ZFP14: variants seen among roughly 807,000 people sequenced by gnomAD.
ZFP14 encodes the protein ZFP14 zinc finger protein.
ZFP14 carries 22 observed loss-of-function variants against 54.5 expected under a neutral mutation model. The ratio of observed to expected loss-of-function variants is 0.40; its 90% CI spans 0.29 to 0.58. The LOEUF is 0.58. Among genes scored for constraint, ZFP14 ranks in the 20% least tolerant of loss-of-function variants. The pLI is 0.39. For synonymous variants in ZFP14, 159 were observed against 204.0 expected (o/e 0.78, Z 1.88); for missense variants, 470 against 637.8 (o/e 0.74, Z 2.83).
rs1471918722 is a variant in ZFP14 at position 36,341,662 on chromosome 19, A to C, written c.236-72T>G. 1 of 1,427,142 alleles carries C rather than the reference A, an allele frequency of 7.0e-7. No homozygotes were observed. The highest frequency in any genetic ancestry group is 9.3e-7 in the Non-Finnish European group (1 of 1,080,740). The allele number at this position is 1,427,142 out of a possible 1,614,324, so 88.4% of individuals were successfully genotyped here. On this transcript the variant is annotated intron_variant, in intron 4 of 4. Coordinates refer to ENST00000270001, the MANE Select transcript of ZFP14 (RefSeq NM_020917.3). The surrounding 1 kb of genome is among the most constrained non-coding windows in gnomAD (Gnocchi z 4.2). ...AAAGAAAAAACAAACAAACAAAAAA[A>C]CCACTTCTATAGAGAAAAGGCACCT...
rs1363663499 is a variant in ZFP14, at chr19:36,341,947, G to A, written c.236-357C>T. On this transcript the variant is annotated intron_variant, in intron 4 of 4. Transcript: ENST00000270001. This position sits in a 1 kb window ranked among gnomAD's most constrained non-coding sequence, Gnocchi z 4.2. ...GCTCACTGAAAGCTCCGCCTCCCGGGTTCACGCCATTCTCCTGCCTCAGCC... is the reference window on the plus strand; with the variant it reads ...GCTCACTGAAAGCTCCGCCTCCCGGATTCACGCCATTCTCCTGCCTCAGCC... 6.6e-6 allele frequency among the ~76,000 whole-genome samples: 1 copy of A among 151,880 alleles called. No individual in the cohort carries two copies. The highest frequency in any genetic ancestry group is 1.5e-5 in the Non-Finnish European group (1 of 67,970).
At chr19:36,362,030 G>A (rs1450706007) in intron 3 of ZFP14, 82 bp downstream of exon 3, 3 of 1,459,086 alleles carry the variant, frequency 2.1e-6, no homozygotes, top group Non-Finnish European at 2.8e-6. Flanking sequence ...AGAATAGAAA[G>A]TAGTTTTAGA....
Position 36,340,048 on chromosome 19 carries a change from A to G in ZFP14, c.*176T>C. The G allele has an allele frequency of 1.7e-6, 1 of 585,846 alleles. No individual in the cohort carries two copies. Among genetic ancestry groups the G allele is most frequent in the Non-Finnish European group, 2.7e-6 (1 of 371,084 alleles). The allele number at this position is 585,846 out of a possible 1,614,324, so 36.3% of individuals were successfully genotyped here. A position where few individuals can be genotyped will look rare whatever the true frequency, so the allele number is the denominator to read the frequency against. On this transcript the variant is annotated 3_prime_UTR_variant, in exon 5 of 5. Transcript: ENST00000270001. The surrounding 1 kb of genome is among the most constrained non-coding windows in gnomAD (Gnocchi z 5.4). ...CCTACATTCATTACATTATTCTCTC[A>G]TAGGAATTTGCTGAAGATAAACCAT...
chr19:36,344,658 G>A (rs1331531393), intron 4 of ZFP14, among the ~76,000 whole-genome samples: 1 of 152,108 alleles, frequency 6.6e-6, no homozygotes, highest in African/African-American at 2.4e-5. Context: ...ATGACCGCCT[G>A]AGCTCGGCCT....
chr19:36,354,623 C>T (rs1198558726), intron 4 of ZFP14, among the ~76,000 whole-genome samples: 1 of 142,030 alleles, frequency 7.0e-6, no homozygotes, highest in Non-Finnish European at 1.6e-5. Flanking sequence ...GCTCTTTTTT[C>T]ATGTCACTAT....
chr19:36,370,589 T>C (rs961182256), intron 1 of ZFP14, among the ~76,000 whole-genome samples: 1 of 152,236 alleles, frequency 6.6e-6, no homozygotes, highest in Non-Finnish European at 1.5e-5. Flanking sequence ...CCAGTCACAG[T>C]GGTCTCAGGC....
At chr19:36,357,939 T>TAC (rs2031644055) in intron 4 of ZFP14, among the ~76,000 whole-genome samples, 1 of 151,382 alleles carries the variant, frequency 6.6e-6, no homozygotes, top group Non-Finnish European at 1.5e-5. Context: ...GATAGGGTTT[T>TAC]ACCATGTTGG....
Position 36,367,981 on chromosome 19 carries a change from G to A in ZFP14, c.-79-10C>T. ...TCCTGATAAGCCAGAGCTGAAAGAA[G>A]AAAAAGAAACCATGAAATAAGCTGC... On this transcript the variant is annotated splice_polypyrimidine_tract_variant and intron_variant, in intron 1 of 4. Transcript: ENST00000270001. The A allele has an allele frequency of 1.4e-6, 2 of 1,441,864 alleles. No homozygotes were observed. The highest frequency in any genetic ancestry group is 1.9e-6 in the Non-Finnish European group (2 of 1,074,936). 89.3% of individuals were successfully genotyped at this position (1,441,864 alleles called of 1,614,324 possible). A position where few individuals can be genotyped will look rare whatever the true frequency, so the allele number is the denominator to read the frequency against.
At chr19:36,369,497 GCCT>G (rs1419316916) in intron 1 of ZFP14, among the ~76,000 whole-genome samples, 1 of 151,876 alleles carries the variant, frequency 6.6e-6, no homozygotes, top group Non-Finnish European at 1.5e-5. Flanking sequence ...TGTAACCTCT[GCCT>G]CCAGGGTTCA....
At position 36,339,634 on chromosome 19, in the gene ZFP14, G is replaced by A. The variant is rs991820664; in HGVS notation, c.*590C>T. 2.0e-5 allele frequency: 3 copies of A among 152,270 alleles called. No homozygotes were observed. The highest frequency in any genetic ancestry group is 7.2e-5 in the African/African-American group (3 of 41,446). 9.4% of individuals were successfully genotyped at this position (152,270 alleles called of 1,614,324 possible). A position where few individuals can be genotyped will look rare whatever the true frequency, so the allele number is the denominator to read the frequency against. Reference sequence around the variant, plus strand: ...TTCAGCCAACAGCCAGCTAGAAACTGAGAATCTCAATGCAACAGGCCTCAC... The same window carrying A: ...TTCAGCCAACAGCCAGCTAGAAACTAAGAATCTCAATGCAACAGGCCTCAC... On this transcript the variant is annotated 3_prime_UTR_variant, in exon 5 of 5. Coordinates refer to ENST00000270001, the MANE Select transcript of ZFP14 (RefSeq NM_020917.3).
intron 2 of ZFP14, among the ~76,000 whole-genome samples, chr19:36,366,361 C>T (rs1002301364): frequency 2.0e-5 from 3 of 152,156 alleles, no homozygotes; most frequent in Admixed American, 2.0e-4. Context: ...CTCTGTCATC[C>T]AGGCTGGAGT....
rs528114266 is a variant in ZFP14 at position 36,362,017 on chromosome 19, T to C, written c.136+95A>G. The C allele has an allele frequency of 2.3e-5, 33 of 1,426,340 alleles. No individual in the cohort carries two copies. The Admixed American group carries it at 6.7e-4, about 29-fold the overall frequency. The allele number at this position is 1,426,340 out of a possible 1,614,324, so 88.4% of individuals were successfully genotyped here. A position where few individuals can be genotyped will look rare whatever the true frequency, so the allele number is the denominator to read the frequency against. On this transcript the variant is annotated intron_variant, in intron 3 of 4. Coordinates refer to ENST00000270001, the MANE Select transcript of ZFP14 (RefSeq NM_020917.3). ...ACCTGACAAAGCTTAAATCATTCCTTTGAGAATAGAAAGTAGTTTTAGAGA... is the reference window on the plus strand; with the variant it reads ...ACCTGACAAAGCTTAAATCATTCCTCTGAGAATAGAAAGTAGTTTTAGAGA...
chr19:36,361,734 C>T (rs895694560), intron 3 of ZFP14, among the ~76,000 whole-genome samples: 15 of 152,328 alleles, frequency 9.8e-5, no homozygotes, highest in African/African-American at 3.6e-4. Flanking sequence ...ATCCATCTCA[C>T]ACTATGTTCT....
intron 2 of ZFP14, among the ~76,000 whole-genome samples, chr19:36,364,994 C>CTTTTTTTTTT (rs398034482): frequency 2.0e-3 from 122 of 61,942 alleles, no homozygotes; most frequent in Admixed American, 3.0e-3. Flanking sequence ...TTTTCTTTTT[C>CTTTTTTTTTT]TTTTTTTTTT....
chr19:36,349,228 T>G (rs2031473025), intron 4 of ZFP14, among the ~76,000 whole-genome samples: 1 of 49,580 alleles, frequency 2.0e-5, no homozygotes, highest in Non-Finnish European at 3.3e-5. Context: ...GGGAACTCTG[T>G]CTCAAAAAAA....
At chr19:36,354,108 C>T (rs1164734742) in intron 4 of ZFP14, among the ~76,000 whole-genome samples, 3 of 135,400 alleles carry the variant, frequency 2.2e-5, no homozygotes, top group Admixed American at 1.6e-4. Context: ...CACAGTGGCT[C>T]ATATCTGTAA....
chr19:36,342,843 T>G (rs191582907), intron 4 of ZFP14, among the ~76,000 whole-genome samples: 72 of 152,290 alleles, frequency 4.7e-4, no homozygotes, highest in Middle Eastern at 3.4e-3. Flanking sequence ...GCCTTTGTCT[T>G]TCCTACTGAA....
Position 36,367,966 on chromosome 19 carries a change from C to G in ZFP14, c.-74G>C. The G allele has an allele frequency of 6.6e-7, 1 of 1,512,524 alleles. No homozygotes were observed. The highest frequency in any genetic ancestry group is 1.3e-5 in the South Asian group (1 of 75,590). 93.7% of individuals were successfully genotyped at this position (1,512,524 alleles called of 1,614,324 possible). ...TGGAGAACTATGGAGTCCTGATAAG[C>G]CAGAGCTGAAAGAAGAAAAAGAAAC... On this transcript the variant is annotated 5_prime_UTR_variant, in exon 2 of 5. Coordinates refer to ENST00000270001, the MANE Select transcript of ZFP14 (RefSeq NM_020917.3).
intron 1 of ZFP14, among the ~76,000 whole-genome samples, chr19:36,376,439 G>A (rs1420509163): frequency 6.6e-6 from 1 of 152,066 alleles, no homozygotes; most frequent in Non-Finnish European, 1.5e-5. Context: ...CCAGCTACTT[G>A]GGAGGCTGAG....
Sources: gnomAD v4.1 joint callset for allele counts (sites outside exome capture counted in the v4.1 genomes callset) on GRCh38, gnomAD v4.1.1 for gene constraint, Gnocchi (gnomAD v3.1) non-coding constraint, MANE v1.5 for transcripts, NCBI Gene and HGNC (gene_info 2026-07-23, HGNC 2026-07-21) for gene names.